UMAD1: variants seen among roughly 807,000 people sequenced by gnomAD.
UMAD1 encodes UBAP1-MVB12-associated (UMA) domain containing 1.
Under a neutral mutation model 6.1 loss-of-function variants are expected in UMAD1, and 8 were observed. That is an observed-to-expected ratio of 1.30 (90% CI 0.76 to 2.35). The LOEUF (loss-of-function observed/expected upper bound fraction) is 2.35, where lower values mean the gene tolerates loss of function less well. Ranked by LOEUF, UMAD1 falls within the 30% of genes most tolerant of loss-of-function variation. UMAD1 has a pLI of 0.00. For synonymous variants in UMAD1, 56 were observed against 31.4 expected (o/e 1.78, Z -2.61); for missense variants, 130 against 78.4 (o/e 1.66, Z -2.49).
chr7:7,734,062 G>T (rs866499831), intron 2 of UMAD1, among the ~76,000 whole-genome samples: 3 of 152,016 alleles, frequency 2.0e-5, no homozygotes, highest in East Asian at 3.9e-4. Flanking sequence ...TCTCCCCCCC[G>T]CAACCAACCC....
intron 2 of UMAD1, among the ~76,000 whole-genome samples, chr7:7,738,166 T>A (rs1168577305): frequency 6.6e-6 from 1 of 152,222 alleles, no homozygotes; most frequent in Non-Finnish European, 1.5e-5. Flanking sequence ...TTCCATTTCT[T>A]AAAGAAGTTT....
At chr7:7,807,803 G>A (rs1782947666) in intron 3 of UMAD1, among the ~76,000 whole-genome samples, 3 of 152,034 alleles carry the variant, frequency 2.0e-5, no homozygotes, top group African/African-American at 7.2e-5. Context: ...AAAGTTTTCA[G>A]TACTTCCTGA....
chr7:7,641,618 A>G (rs868568575), intron 1 of UMAD1: 4 of 152,242 alleles, frequency 2.6e-5, no homozygotes, highest in African/African-American at 7.2e-5. Flanking sequence ...GTAGTCTCCA[A>G]TCTGTCCCTG....
chr7:7,865,736 GATTATAC>G (rs1255507585), intron 3 of UMAD1, among the ~76,000 whole-genome samples: 26 of 152,324 alleles, frequency 1.7e-4, no homozygotes. Context: ...AGCCCCTCCA[GATTATAC>G]CATGTAGCTG....
At chr7:7,859,746 T>C (rs1784080488) in intron 3 of UMAD1, among the ~76,000 whole-genome samples, 1 of 152,196 alleles carries the variant, frequency 6.6e-6, no homozygotes, top group Non-Finnish European at 1.5e-5. Flanking sequence ...TAACAGAATA[T>C]ATTCTGATAA....
chr7:7,643,772 C>T (rs950432255), intron 1 of UMAD1, among the ~76,000 whole-genome samples: 1 of 150,068 alleles, frequency 6.7e-6, no homozygotes, highest in African/African-American at 2.5e-5. Flanking sequence ...GGACACTTGA[C>T]CTACTCTCTT....
At chr7:7,654,240 T>C (rs1746561174) in intron 1 of UMAD1, among the ~76,000 whole-genome samples, 1 of 152,224 alleles carries the variant, frequency 6.6e-6, no homozygotes, top group African/African-American at 2.4e-5. Context: ...CAAATTTATT[T>C]ACAAAGTAAT....
chr7:7,815,731 C>A (rs1783113126), intron 3 of UMAD1, among the ~76,000 whole-genome samples: 1 of 152,114 alleles, frequency 6.6e-6, no homozygotes, highest in African/African-American at 2.4e-5. Context: ...ATATGGCCAC[C>A]CCTAGTGGCA....
At chr7:7,842,237 A>T (rs927966830) in intron 3 of UMAD1, among the ~76,000 whole-genome samples, 1 of 152,200 alleles carries the variant, frequency 6.6e-6, no homozygotes, top group African/African-American at 2.4e-5. Flanking sequence ...CTGTAAAATG[A>T]GGATAACTCT....
chr7:7,827,141 A>ATGTG (rs1439982206), intron 3 of UMAD1, among the ~76,000 whole-genome samples: 1,586 of 134,918 alleles, frequency 0.012, 33 homozygotes, highest in African/African-American at 0.041. Flanking sequence ...ATATATATAT[A>ATGTG]TATATATGTG....
chr7:7,835,991 T>C (rs1367336914), intron 3 of UMAD1, among the ~76,000 whole-genome samples: 1 of 152,072 alleles, frequency 6.6e-6, no homozygotes, highest in Non-Finnish European at 1.5e-5. Flanking sequence ...CAATTATATC[T>C]TTTGCTTTCT....
intron 2 of UMAD1, among the ~76,000 whole-genome samples, chr7:7,782,202 A>T (rs1270775773): frequency 6.6e-6 from 1 of 151,836 alleles, no homozygotes; most frequent in East Asian, 1.9e-4. Flanking sequence ...CTTGGGAATA[A>T]TTTTTTTAAA....
At chr7:7,675,407 C>G (rs948567431) in intron 2 of UMAD1, among the ~76,000 whole-genome samples, 16 of 152,136 alleles carry the variant, frequency 1.1e-4, no homozygotes, top group African/African-American at 3.6e-4. Flanking sequence ...CCTCCAATTT[C>G]TGGTAGCATG....
intron 2 of UMAD1, among the ~76,000 whole-genome samples, chr7:7,792,452 C>G (rs1425778895): frequency 2.6e-5 from 4 of 152,164 alleles, no homozygotes; most frequent in Non-Finnish European, 5.9e-5. Flanking sequence ...GGAGGGGAAA[C>G]TAAACTGAAT....
At chr7:7,789,822 A>T (rs528456274) in intron 2 of UMAD1, among the ~76,000 whole-genome samples, 1 of 152,286 alleles carries the variant, frequency 6.6e-6, no homozygotes, top group Non-Finnish European at 1.5e-5. Flanking sequence ...CTGTATGTTT[A>T]TACTACATTT....
At chr7:7,757,013 T>C (rs987207781) in intron 2 of UMAD1, among the ~76,000 whole-genome samples, 3 of 152,248 alleles carry the variant, frequency 2.0e-5, no homozygotes, top group African/African-American at 7.2e-5. Context: ...TAAACTAATA[T>C]GCTCCTTCTT....
chr7:7,712,149 C>T (rs577598111), intron 2 of UMAD1, among the ~76,000 whole-genome samples: 1 of 152,212 alleles, frequency 6.6e-6, no homozygotes, highest in Admixed American at 6.5e-5. Context: ...ACCATCTCAA[C>T]CTTCCTTTGT....
chr7:7,662,735 C>A (rs971841436), intron 1 of UMAD1, among the ~76,000 whole-genome samples: 1 of 152,176 alleles, frequency 6.6e-6, no homozygotes, highest in Admixed American at 6.5e-5. Context: ...TCACTGGGAA[C>A]TGCAGATGGA....
chr7:7,863,602 CT>C (rs1311825033), intron 3 of UMAD1, among the ~76,000 whole-genome samples: 1 of 151,896 alleles, frequency 6.6e-6, no homozygotes, highest in Non-Finnish European at 1.5e-5. Flanking sequence ...GTTAATGTGC[CT>C]TTTTTATGTA....
Sources: allele counts gnomAD v4.1 joint callset (sites outside exome capture counted in the v4.1 genomes callset), GRCh38; gene constraint gnomAD v4.1.1; transcripts MANE v1.5; gene names NCBI Gene and HGNC (gene_info 2026-07-23, HGNC 2026-07-21).